Variants in COA1 observed in about 807,000 individuals in gnomAD.
COA1 encodes the protein cytochrome c oxidase assembly factor 1 homolog.
Under a neutral mutation model 16.0 loss-of-function variants are expected in COA1, and 13 were observed. The ratio of observed to expected loss-of-function variants is 0.81; its 90% CI spans 0.53 to 1.29. The LOEUF (loss-of-function observed/expected upper bound fraction) is 1.29. Among genes scored for constraint, COA1 ranks in the 50% most tolerant of loss-of-function variants. The probability of loss-of-function intolerance (pLI) is 0.00; values close to 1 mark genes in which losing one functional copy is unlikely to be tolerated. For synonymous variants in COA1, 65 were observed against 65.7 expected, an observed-to-expected ratio of 0.99 and a Z score of 0.05; for missense variants, 179 against 177.0, an observed-to-expected ratio of 1.01 and a Z score of -0.06.
chr7:43,610,737 TATATAA>T (rs1296512117), intron 6 of COA1, among the ~76,000 whole-genome samples: 1 of 152,174 alleles, frequency 6.6e-6, no homozygotes, highest in Non-Finnish European at 1.5e-5. Context: ...AGAGTCATAC[TATATAA>T]ATATAAATTC....
chr7:43,636,517 C>T (rs2085904845), downstream of COA1, among the ~76,000 whole-genome samples: 2 of 152,220 alleles, frequency 1.3e-5, no homozygotes, highest in Non-Finnish European at 2.9e-5. Flanking sequence ...ACTTCCAAAG[C>T]TGCTTGCTTT....
intron 1 of COA1, among the ~76,000 whole-genome samples, chr7:43,676,300 A>C (rs1419553077): frequency 6.6e-6 from 1 of 152,164 alleles, no homozygotes; most frequent in Non-Finnish European, 1.5e-5. Flanking sequence ...AAAAAGAAAT[A>C]AGGTTTACTG....
intron 6 of COA1, among the ~76,000 whole-genome samples, chr7:43,616,826 G>A (rs1302911654): frequency 6.6e-6 from 1 of 152,152 alleles, no homozygotes; most frequent in African/African-American, 2.4e-5. Context: ...GAACCTGGGA[G>A]GTGGAGCTTG....
intron 6 of COA1, among the ~76,000 whole-genome samples, chr7:43,610,654 G>A (rs576807555): frequency 4.2e-4 from 64 of 152,186 alleles, no homozygotes; most frequent in African/African-American, 1.4e-3. Context: ...GCAACAGAGC[G>A]AGACTTCGTC....
At chr7:43,614,158 G>A (rs1300863864) in intron 6 of COA1, among the ~76,000 whole-genome samples, 6 of 152,150 alleles carry the variant, frequency 3.9e-5, no homozygotes, top group South Asian at 4.2e-4. Flanking sequence ...GATCTTAGCC[G>A]CCAAATCTTC....
intron 6 of COA1, among the ~76,000 whole-genome samples, chr7:43,621,804 A>G (rs1263950247): frequency 6.6e-6 from 1 of 152,238 alleles, no homozygotes; most frequent in Non-Finnish European, 1.5e-5. Flanking sequence ...GAAAAAAACT[A>G]AAAATGATTC....
chr7:43,717,688 G>A (rs1022748395), intron 1 of COA1, among the ~76,000 whole-genome samples: 19 of 152,144 alleles, frequency 1.2e-4, no homozygotes, highest in African/African-American at 4.6e-4. Flanking sequence ...AGATTTGGCA[G>A]GGGCCGGGGG....
intron 1 of COA1, chr7:43,655,962 G>T (rs578038952): frequency 1.3e-5 from 2 of 152,364 alleles, no homozygotes; most frequent in South Asian, 4.1e-4. Flanking sequence ...GTGAGGAAGA[G>T]GCCTAAGATG....
chr7:43,721,716 G>A (rs1236028569), intron 1 of COA1, among the ~76,000 whole-genome samples: 1 of 151,918 alleles, frequency 6.6e-6, no homozygotes, highest in Admixed American at 6.6e-5. Context: ...CTATGGTGTT[G>A]GTTATAGAAA....
chr7:43,700,360 T>C (rs2094679031), intron 1 of COA1, among the ~76,000 whole-genome samples: 1 of 151,958 alleles, frequency 6.6e-6, no homozygotes, highest in Non-Finnish European at 1.5e-5. Flanking sequence ...AAATTTTCTA[T>C]AACAAAAGAA....
At chr7:43,625,098 A>G in intron 6 of COA1, 2 of 323,822 alleles carry the variant, frequency 6.2e-6, no homozygotes, top group Non-Finnish European at 1.1e-5. Flanking sequence ...TGAATTCTAC[A>G]TCCTGTTTCT....
intron 1 of COA1, among the ~76,000 whole-genome samples, chr7:43,708,906 T>C (rs1392538422): frequency 1.3e-5 from 2 of 152,200 alleles, no homozygotes; most frequent in Non-Finnish European, 2.9e-5. Context: ...AAGCAGAAAT[T>C]CTTGGTTTTA....
At chr7:43,651,955 C>T (rs2090909804) in intron 1 of COA1, among the ~76,000 whole-genome samples, 1 of 151,992 alleles carries the variant, frequency 6.6e-6, no homozygotes, top group African/African-American at 2.4e-5. Flanking sequence ...CGAGACCATG[C>T]CCCTGCACTC....
chr7:43,697,138 A>C (rs2094555666), intron 1 of COA1, among the ~76,000 whole-genome samples: 1 of 151,678 alleles, frequency 6.6e-6, no homozygotes, highest in Non-Finnish European at 1.5e-5. Context: ...AAAACAAAAA[A>C]CAAATAAAAA....
At chr7:43,679,466 C>G (rs2130293186) in intron 1 of COA1, among the ~76,000 whole-genome samples, 1 of 152,038 alleles carries the variant, frequency 6.6e-6, no homozygotes, top group East Asian at 1.9e-4. Flanking sequence ...AAGCTGAGGG[C>G]CACACAACAA....
intron 1 of COA1, among the ~76,000 whole-genome samples, chr7:43,652,329 G>C (rs2090980719): frequency 2.0e-5 from 3 of 152,130 alleles, no homozygotes; most frequent in Admixed American, 2.0e-4. Flanking sequence ...TGGCTGGCCT[G>C]GCTTGTCCTA....
At chr7:43,655,295 C>G (rs1484370668) in intron 1 of COA1, among the ~76,000 whole-genome samples, 1 of 152,142 alleles carries the variant, frequency 6.6e-6, no homozygotes, top group Non-Finnish European at 1.5e-5. Flanking sequence ...AAAATATTAG[C>G]CGGGCATAGT....
chr7:43,644,677 C>A (rs2088234910), intron 4 of COA1, among the ~76,000 whole-genome samples: 3 of 144,332 alleles, frequency 2.1e-5, no homozygotes, highest in South Asian at 4.6e-4. Context: ...TAGGTGTGCA[C>A]TATCACGCCT....
At chr7:43,625,163 CAAGTAA>C (rs1396610741) in intron 6 of COA1, 3 of 208,482 alleles carry the variant, frequency 1.4e-5, no homozygotes, top group Non-Finnish European at 2.9e-5. Context: ...TTAAAAAATC[CAAGTAA>C]AAGTGCCAAA....
Sources: gnomAD v4.1 joint callset for allele counts (sites outside exome capture counted in the v4.1 genomes callset) on GRCh38, gnomAD v4.1.1 for gene constraint, MANE v1.5 for transcripts, NCBI Gene and HGNC (gene_info 2026-07-23, HGNC 2026-07-21) for gene names.